CRADD: variants seen among roughly 807,000 people sequenced by gnomAD.
CRADD encodes death domain-containing protein CRADD.
A neutral mutation model predicts 15.5 loss-of-function variants in CRADD; 9 were observed. The observed-to-expected ratio is 0.58, with a 90% CI of 0.35 to 1.01. CRADD has a LOEUF of 1.01. Among genes scored for constraint, CRADD ranks in the 50% least tolerant of loss-of-function variants. CRADD has a pLI of 0.02. For synonymous variants in CRADD, 118 were observed against 107.6 expected (o/e 1.10, Z -0.60); for missense variants, 227 against 250.3 (o/e 0.91, Z 0.63).
intron 2 of CRADD, among the ~76,000 whole-genome samples, chr12:93,795,116 T>G (rs1386992328): frequency 6.6e-6 from 1 of 152,210 alleles, no homozygotes; most frequent in African/African-American, 2.4e-5. Context: ...ACCTATAAAG[T>G]CCAGAAGAGC....
rs150310680 is a variant in CRADD, at chr12:93,762,198, C to T, written c.298+83126C>T. 8.2e-4 allele frequency among the ~76,000 whole-genome samples: 125 copies of T among 152,246 alleles called. 2 individuals carry two copies. The East Asian group carries it at 0.011, about 14-fold the overall frequency. ...CATGATAGCTTCTAAATAAAGAAAA[C>T]GGGCCGATGTTGTGAGTAATTGCAG... is the stretch of plus-strand genomic sequence containing the variant. On this transcript the variant is annotated intron_variant, in intron 2 of 2. Transcript: ENST00000332896.
intron 2 of CRADD, among the ~76,000 whole-genome samples, chr12:93,838,801 C>G (rs974444705): frequency 1.3e-5 from 2 of 151,952 alleles, no homozygotes; most frequent in Non-Finnish European, 2.9e-5. Flanking sequence ...TTCACCCAAG[C>G]TGAAGTTCGA....
At chr12:93,790,725 A>T (rs1243402228) in intron 2 of CRADD, 1 of 152,150 alleles carries the variant, frequency 6.6e-6, no homozygotes, top group Non-Finnish European at 1.5e-5. Flanking sequence ...GGAGGATTAT[A>T]ATAAATTTGA....
intron 2 of CRADD, among the ~76,000 whole-genome samples, chr12:93,774,692 T>C (rs1383434687): frequency 6.6e-6 from 1 of 152,180 alleles, no homozygotes; most frequent in Non-Finnish European, 1.5e-5. Flanking sequence ...CTCAGTAATT[T>C]GTACTGAGAG....
chr12:93,679,018 G>A lies in CRADD; in HGVS notation c.244G>A (p.Val82Ile). ...FLDSLQEFPW[V>I]REKLKKAREE... The stretch of plus-strand genomic sequence containing the variant: ...AGATTCCCTACAGGAGTTTCCCTGG[G>A]TCAGGGAGAAGCTGAAGAAGGCAAG... Residue 82 changes from valine to isoleucine, a missense_variant, in exon 2 of 3, where the codon GTC (valine) becomes ATC (isoleucine). Val to Ile is a conservative substitution (Grantham distance 29, BLOSUM62 3). Transcript: ENST00000332896. The A allele has an allele frequency of 6.2e-7, 1 of 1,613,978 alleles. No individual in the cohort carries two copies. The highest frequency in any genetic ancestry group is 8.5e-7 in the Non-Finnish European group (1 of 1,179,826).
At chr12:93,718,739 T>G (rs1956206901) in intron 2 of CRADD, among the ~76,000 whole-genome samples, 1 of 152,160 alleles carries the variant, frequency 6.6e-6, no homozygotes, top group Non-Finnish European at 1.5e-5. Context: ...TTCCTGGTCT[T>G]AGTGGGAAAG....
downstream of CRADD, among the ~76,000 whole-genome samples, chr12:93,855,056 G>A (rs1259273042): frequency 1.3e-5 from 2 of 152,014 alleles, no homozygotes; most frequent in Non-Finnish European, 1.5e-5. Flanking sequence ...TTAACCAGAT[G>A]TGATGGCCAG....
chr12:93,712,383 A>G (rs1956089865), intron 2 of CRADD, among the ~76,000 whole-genome samples: 1 of 152,228 alleles, frequency 6.6e-6, no homozygotes, highest in Non-Finnish European at 1.5e-5. Context: ...GCATTTACAT[A>G]TCTTTTTTAC....
intron 2 of CRADD, among the ~76,000 whole-genome samples, chr12:93,856,952 C>T (rs968045137): frequency 1.3e-5 from 2 of 152,056 alleles, no homozygotes; most frequent in Admixed American, 1.3e-4. Context: ...CTTAGAAGAA[C>T]AGGGATGTCT....
chr12:93,838,214 G>GTTTTTTTTTT (rs66564800), intron 2 of CRADD, among the ~76,000 whole-genome samples: 4 of 130,604 alleles, frequency 3.1e-5, no homozygotes, highest in Non-Finnish European at 3.2e-5. Flanking sequence ...TCCTTTTGAG[G>GTTTTTTTTTT]TTTTTTTTTT....
chr12:93,724,663 G>C (rs949785588), intron 2 of CRADD, among the ~76,000 whole-genome samples: 3 of 152,086 alleles, frequency 2.0e-5, no homozygotes, highest in Non-Finnish European at 4.4e-5. Flanking sequence ...TCAGGGTGCT[G>C]TTTGAAAATT....
At chr12:93,847,735 A>G (rs1276736472) in intron 2 of CRADD, among the ~76,000 whole-genome samples, 3 of 152,182 alleles carry the variant, frequency 2.0e-5, no homozygotes, top group African/African-American at 7.2e-5. Context: ...CTGGCAAAAT[A>G]AAAATTATGT....
At chr12:93,886,975 T>C (rs1019537835) in intron 2 of CRADD, among the ~76,000 whole-genome samples, 1 of 152,216 alleles carries the variant, frequency 6.6e-6, no homozygotes, top group Non-Finnish European at 1.5e-5. Context: ...ATTCTGATTC[T>C]GCAGAAGAGA....
At chr12:93,769,030 G>A (rs1957055458) in intron 2 of CRADD, among the ~76,000 whole-genome samples, 1 of 151,716 alleles carries the variant, frequency 6.6e-6, no homozygotes, top group Admixed American at 6.6e-5. Flanking sequence ...TATTTCATGT[G>A]AAAGAAGATA....
At chr12:93,702,408 C>G (rs1955859413) in intron 2 of CRADD, among the ~76,000 whole-genome samples, 1 of 151,836 alleles carries the variant, frequency 6.6e-6, no homozygotes, top group Non-Finnish European at 1.5e-5. Flanking sequence ...TCATTAACTG[C>G]CCCACATCCA....
chr12:93,719,961 T>G (rs1263021367), intron 2 of CRADD, among the ~76,000 whole-genome samples: 1 of 152,128 alleles, frequency 6.6e-6, no homozygotes, highest in Non-Finnish European at 1.5e-5. Context: ...TTATACTTTT[T>G]TTTGCTTTTG....
intron 2 of CRADD, among the ~76,000 whole-genome samples, chr12:93,840,610 AG>A (rs1242340627): frequency 6.6e-6 from 1 of 151,146 alleles, no homozygotes; most frequent in Non-Finnish European, 1.5e-5. Context: ...CTTGTTGCCC[AG>A]GCTGGAGTGC....
At chr12:93,817,883 T>C (rs1017628926) in intron 2 of CRADD, among the ~76,000 whole-genome samples, 4 of 152,174 alleles carry the variant, frequency 2.6e-5, no homozygotes, top group African/African-American at 9.7e-5. Flanking sequence ...TTGCTACTAC[T>C]GTTGCAACCT....
At chr12:93,780,843 T>G (rs1957200293) in intron 2 of CRADD, among the ~76,000 whole-genome samples, 1 of 111,732 alleles carries the variant, frequency 8.9e-6, no homozygotes, top group African/African-American at 3.4e-5. Context: ...TAGGTTCAAG[T>G]GATTCTCATA....
Sources: gnomAD v4.1 joint callset for allele counts (sites outside exome capture counted in the v4.1 genomes callset) on GRCh38, gnomAD v4.1.1 for gene constraint, MANE v1.5 for transcripts, NCBI Gene and HGNC (gene_info 2026-07-23, HGNC 2026-07-21) for gene names.